Variants in BLOC1S2 observed in about 807,000 individuals in gnomAD.
The protein encoded by BLOC1S2 is biogenesis of lysosome-related organelles complex 1 subunit 2.
BLOC1S2 carries 12 observed loss-of-function variants against 19.6 expected under a neutral mutation model. The ratio of observed to expected loss-of-function variants is 0.61; its 90% CI spans 0.39 to 0.99. BLOC1S2 has a LOEUF of 0.99. Ranked by LOEUF, BLOC1S2 falls within the 50% of genes least tolerant of loss-of-function variation. The pLI is 0.00. For synonymous variants in BLOC1S2, 66 were observed against 64.1 expected (o/e 1.03, Z -0.14); for missense variants, 142 against 171.0 (o/e 0.83, Z 0.95).
intron 4 of BLOC1S2, among the ~76,000 whole-genome samples, chr10:100,277,686 G>A (rs1402851415): frequency 9.1e-5 from 12 of 132,110 alleles, no homozygotes; most frequent in African/African-American, 2.0e-4. Context: ...CCGGCCAGCC[G>A]CCCCGTCCGG....
rs759803168 is a variant in BLOC1S2 at position 100,286,158 on chromosome 10, G to A, written c.111C>T (p.Ile37=). Residue 37 remains isoleucine (I), a synonymous_variant, in exon 2 of 5, where the codon ATC becomes ATT. Transcript: ENST00000370372. ...AGAACATGTCCCGGCAGAGCTCAGTGATGTCAGCTTCAGCAGGCTCCTTTG... is the reference window on the plus strand; with the variant it reads ...AGAACATGTCCCGGCAGAGCTCAGTAATGTCAGCTTCAGCAGGCTCCTTTG... ...EEAKEPAEAD[I]TELCRDMFSK... is the part of the protein sequence containing the mutation. 41 of 1,614,026 alleles carry A rather than the reference G, an allele frequency of 2.5e-5. No homozygotes were observed. Among genetic ancestry groups the A allele is most frequent in the Non-Finnish European group, 3.2e-5 (38 of 1,180,030 alleles).
At chr10:100,276,706 G>C (rs1847884582) in intron 4 of BLOC1S2, among the ~76,000 whole-genome samples, 1 of 149,894 alleles carries the variant, frequency 6.7e-6, no homozygotes, top group African/African-American at 2.4e-5. Context: ...GTTTCGCTGT[G>C]TTGGCCGGAC....
intron 4 of BLOC1S2, among the ~76,000 whole-genome samples, chr10:100,277,665 A>G (rs1348339794): frequency 2.3e-5 from 3 of 127,674 alleles, no homozygotes; most frequent in Non-Finnish European, 5.0e-5. Context: ...TGGGGGGCTC[A>G]GCCCCCCCGC....
chr10:100,277,928 A>G (rs1589648139), intron 4 of BLOC1S2, among the ~76,000 whole-genome samples: 4 of 78,150 alleles, frequency 5.1e-5, no homozygotes, highest in Admixed American at 1.3e-4. Context: ...CCGGGAGGTG[A>G]GGGGCGCCTC....
intron 4 of BLOC1S2, among the ~76,000 whole-genome samples, chr10:100,279,822 G>C (rs981320460): frequency 6.6e-6 from 1 of 152,008 alleles, no homozygotes; most frequent in Non-Finnish European, 1.5e-5. Flanking sequence ...CGGAGGTTGC[G>C]GTGAGCCGAG....
chr10:100,277,870 C>T (rs868483789), intron 4 of BLOC1S2, among the ~76,000 whole-genome samples: 2,327 of 111,718 alleles, frequency 0.021, 21 homozygotes, highest in African/African-American at 0.04. Flanking sequence ...CCGCCCCGTC[C>T]GGGAGGGAGG....
In BLOC1S2 at chr10:100,274,770, C is replaced by G. The variant is rs1294247018; in HGVS notation, c.*692G>C. 1 of 393,518 alleles carries G rather than the reference C, an allele frequency of 2.5e-6. No homozygotes were observed. Among genetic ancestry groups the G allele is most frequent in the Non-Finnish European group, 4.5e-6 (1 of 223,456 alleles). 24.4% of individuals were successfully genotyped at this position (393,518 alleles called of 1,614,324 possible). A position where few individuals can be genotyped will look rare whatever the true frequency, so the allele number is the denominator to read the frequency against. On this transcript the variant is annotated 3_prime_UTR_variant, in exon 5 of 5. Coordinates refer to ENST00000370372, the MANE Select transcript of BLOC1S2 (RefSeq NM_173809.5). ...CTACCCAACACATAAACACACATAC[C>G]CATCTAGTCTTTGTTTTCATCACAT... is the stretch of plus-strand genomic sequence containing the variant.
intron 3 of BLOC1S2, 53 bp downstream of exon 3, chr10:100,280,881 G>C: frequency 6.5e-7 from 1 of 1,546,424 alleles, no homozygotes; most frequent in Non-Finnish European, 8.7e-7. Context: ...ATGGCCCCAA[G>C]CACAAAAGAA....
At chr10:100,278,153 G>C (rs1315361665) in intron 4 of BLOC1S2, among the ~76,000 whole-genome samples, 2 of 145,972 alleles carry the variant, frequency 1.4e-5, no homozygotes, top group East Asian at 2.1e-4. Context: ...CCGTCTGGGA[G>C]GGAGGTGGGG....
chr10:100,275,233 A>C lies in BLOC1S2; in HGVS notation c.*229T>G. On this transcript the variant is annotated 3_prime_UTR_variant, in exon 5 of 5. Coordinates refer to ENST00000370372, the MANE Select transcript of BLOC1S2 (RefSeq NM_173809.5). ...TGTCCTGAATATGGCAAAGCATTCA[A>C]GTAAAAGGTAGGAAGTTATAAGTGT... The C allele has an allele frequency of 4.3e-6, 2 of 466,054 alleles. No homozygotes were observed. The highest frequency in any genetic ancestry group is 3.6e-5 in the Admixed American group (1 of 27,400). The allele number at this position is 466,054 out of a possible 1,614,324, so 28.9% of individuals were successfully genotyped here.
intron 2 of BLOC1S2, among the ~76,000 whole-genome samples, chr10:100,284,964 GT>G (rs1848197859): frequency 6.6e-6 from 1 of 151,912 alleles, no homozygotes. Flanking sequence ...TGTATCTGGG[GT>G]TTTAAGCCTG....
At chr10:100,282,308 C>T (rs1019469071) in intron 2 of BLOC1S2, among the ~76,000 whole-genome samples, 1 of 152,208 alleles carries the variant, frequency 6.6e-6, no homozygotes, top group South Asian at 2.1e-4. Context: ...TCACTACATC[C>T]TCTTCCTTAC....
Position 100,275,222 on chromosome 10 carries a change from C to A in BLOC1S2, c.*240G>T. ...GTGAGAGTCTCTGTCCTGAATATGG[C>A]AAAGCATTCAAGTAAAAGGTAGGAA... On this transcript the variant is annotated 3_prime_UTR_variant, in exon 5 of 5. Coordinates refer to ENST00000370372, the MANE Select transcript of BLOC1S2 (RefSeq NM_173809.5). 1 of 459,866 alleles carries A rather than the reference C, an allele frequency of 2.2e-6. No homozygotes were observed. Among genetic ancestry groups the A allele is most frequent in the East Asian group, 3.1e-5 (1 of 32,304 alleles). 28.5% of individuals were successfully genotyped at this position (459,866 alleles called of 1,614,324 possible). A position where few individuals can be genotyped will look rare whatever the true frequency, so the allele number is the denominator to read the frequency against.
intron 2 of BLOC1S2, 88 bp from the exon 3 acceptor site, chr10:100,281,141 G>C (rs2134360995): frequency 6.6e-7 from 1 of 1,505,614 alleles, no homozygotes; most frequent in East Asian, 2.3e-5. Flanking sequence ...GTAGTTCAAG[G>C]CAGGACCAAG....
intron 4 of BLOC1S2, among the ~76,000 whole-genome samples, chr10:100,278,082 C>A (rs1361442888): frequency 7.1e-6 from 1 of 141,424 alleles, no homozygotes; most frequent in Non-Finnish European, 1.6e-5. Context: ...CCCGCCGGGC[C>A]AGCCGCTCCG....
At chr10:100,286,500 C>G in intron 1 of BLOC1S2, 105 bp downstream of exon 1, 1 of 1,538,966 alleles carries the variant, frequency 6.5e-7, no homozygotes, top group Non-Finnish European at 8.8e-7. Flanking sequence ...ACTCCTCTCA[C>G]CAGCCCGTTC....
chr10:100,277,903 G>A (rs1474128190), intron 4 of BLOC1S2, among the ~76,000 whole-genome samples: 3 of 101,904 alleles, frequency 2.9e-5, no homozygotes, highest in African/African-American at 8.5e-5. Flanking sequence ...CCCCCCGCCT[G>A]GCCAGCCGCC....
chr10:100,285,189 A>T (rs1168351724), intron 2 of BLOC1S2, among the ~76,000 whole-genome samples: 1 of 152,196 alleles, frequency 6.6e-6, no homozygotes, highest in Non-Finnish European at 1.5e-5. Flanking sequence ...GGGAAGTGAA[A>T]CAATTTAATA....
intron 2 of BLOC1S2, among the ~76,000 whole-genome samples, chr10:100,283,511 T>C (rs1848160954): frequency 6.8e-6 from 1 of 147,660 alleles, no homozygotes; most frequent in Admixed American, 6.7e-5. Flanking sequence ...TGCTCATCTC[T>C]CTCTGTTCTC....
Sources: allele counts gnomAD v4.1 joint callset (sites outside exome capture counted in the v4.1 genomes callset), GRCh38; gene constraint gnomAD v4.1.1; transcripts MANE v1.5; gene names NCBI Gene and HGNC (gene_info 2026-07-23, HGNC 2026-07-21).